Variants in THRB observed in about 807,000 individuals in gnomAD.
The protein encoded by THRB is thyroid hormone receptor beta.
In THRB, 12 loss-of-function variants were observed where a neutral mutation model predicts 47.8. The observed-to-expected ratio is 0.25, with a 90% CI of 0.16 to 0.41. The LOEUF (loss-of-function observed/expected upper bound fraction) is 0.41. THRB is among the 10% of genes least tolerant of loss of function. The probability of loss-of-function intolerance (pLI) is 1.00; values close to 1 mark genes in which losing one functional copy is unlikely to be tolerated. For missense variants in THRB, 348 were observed against 589.2 expected (o/e 0.59, Z 4.24); for synonymous variants, 218 against 212.2 (o/e 1.03, Z -0.24).
intron 1 of THRB, among the ~76,000 whole-genome samples, chr3:24,401,146 T>C (rs2067364883): frequency 6.6e-6 from 1 of 151,994 alleles, no homozygotes; most frequent in Non-Finnish European, 1.5e-5. Flanking sequence ...TAGACTTCAG[T>C]TTACACCTGG....
intron 8 of THRB, among the ~76,000 whole-genome samples, chr3:24,133,755 C>G (rs1198453643): frequency 1.3e-5 from 2 of 151,928 alleles, no homozygotes; most frequent in Admixed American, 6.6e-5. Context: ...GGTCCTGCTT[C>G]TGAATGCACA....
chr3:24,311,036 T>C (rs890503015), intron 2 of THRB, among the ~76,000 whole-genome samples: 2 of 152,168 alleles, frequency 1.3e-5, no homozygotes, highest in Non-Finnish European at 2.9e-5. Context: ...CATCTTTCTC[T>C]GTGTCTGTCT....
At position 24,429,306 on chromosome 3, in the gene THRB, T is replaced by C. The variant is rs147267547; in HGVS notation, c.-261+65346A>G. On this transcript the variant is annotated intron_variant, in intron 1 of 10. Transcript: ENST00000646209. ...TATATTAAATATATTCACCTTGATA[T>C]ATATATGTAATATAACATATATTAT... Among the ~76,000 whole-genome samples, 48 of 150,596 alleles carry C rather than the reference T, an allele frequency of 3.2e-4. No homozygotes were observed. The East Asian group carries it at 9.0e-3, about 28-fold the overall frequency.
At chr3:24,445,162 C>T (rs2071944532) in intron 1 of THRB, among the ~76,000 whole-genome samples, 1 of 151,900 alleles carries the variant, frequency 6.6e-6, no homozygotes, top group South Asian at 2.1e-4. Flanking sequence ...GAAAAGAGCA[C>T]TTATTTAATA....
chr3:24,311,485 A>G (rs1018433037), intron 2 of THRB, among the ~76,000 whole-genome samples: 3 of 152,144 alleles, frequency 2.0e-5, no homozygotes, highest in Non-Finnish European at 4.4e-5. Flanking sequence ...TGCTACAAAG[A>G]AAACCTGATC....
intron 2 of THRB, among the ~76,000 whole-genome samples, chr3:24,301,381 G>GTGCT (rs1490776181): frequency 6.6e-6 from 1 of 152,188 alleles, no homozygotes; most frequent in African/African-American, 2.4e-5. Flanking sequence ...TCATTTGAAT[G>GTGCT]TGCTTTTCTG....
intron 3 of THRB, among the ~76,000 whole-genome samples, chr3:24,288,562 A>AC (rs1335221113): frequency 2.6e-5 from 4 of 152,286 alleles, no homozygotes; most frequent in Non-Finnish European, 5.9e-5. Context: ...TGCTATTAAA[A>AC]AATTTTTCTG....
chr3:24,312,783 G>A (rs1162947004), intron 2 of THRB, among the ~76,000 whole-genome samples: 1 of 152,204 alleles, frequency 6.6e-6, no homozygotes, highest in Non-Finnish European at 1.5e-5. Flanking sequence ...CCATGTGGAA[G>A]AGCGAATATT....
intron 3 of THRB, among the ~76,000 whole-genome samples, chr3:24,251,154 AT>A (rs2050628772): frequency 6.6e-6 from 1 of 152,126 alleles, no homozygotes; most frequent in Non-Finnish European, 1.5e-5. Context: ...GTAAAGAATA[AT>A]TATGATCTAA....
chr3:24,330,300 C>A (rs1461205257), intron 2 of THRB, among the ~76,000 whole-genome samples: 1 of 151,376 alleles, frequency 6.6e-6, no homozygotes, highest in Non-Finnish European at 1.5e-5. Flanking sequence ...GGCGACAGAG[C>A]GAGACTCCGT....
At chr3:24,307,719 A>G (rs939201348) in intron 2 of THRB, among the ~76,000 whole-genome samples, 2 of 152,192 alleles carry the variant, frequency 1.3e-5, no homozygotes, top group African/African-American at 4.8e-5. Flanking sequence ...AATAGTTAGT[A>G]TACTATTGAT....
intron 3 of THRB, among the ~76,000 whole-genome samples, chr3:24,258,471 G>A (rs1049903063): frequency 2.0e-5 from 3 of 152,182 alleles, no homozygotes; most frequent in Admixed American, 1.3e-4. Flanking sequence ...CAGTTCTCAT[G>A]TGGCATTGAA....
At chr3:24,125,215 A>G (rs964449180) in intron 10 of THRB, among the ~76,000 whole-genome samples, 1 of 152,248 alleles carries the variant, frequency 6.6e-6, no homozygotes, top group Non-Finnish European at 1.5e-5. Flanking sequence ...GCATGGCAAA[A>G]GCCTTTGTTA....
chr3:24,270,433 A>G (rs576886176), intron 3 of THRB, among the ~76,000 whole-genome samples: 26 of 152,336 alleles, frequency 1.7e-4, no homozygotes, highest in Non-Finnish European at 3.1e-4. Context: ...TCAAAATAAC[A>G]AGAATGAAAA....
At chr3:24,133,198 G>T in intron 9 of THRB, 118 bp downstream of exon 9, 2 of 1,159,960 alleles carry the variant, frequency 1.7e-6, no homozygotes, top group Non-Finnish European at 2.5e-6. Context: ...TACTGACGTT[G>T]CTTTCATATG....
chr3:24,318,754 T>A (rs2058288897), intron 2 of THRB, among the ~76,000 whole-genome samples: 1 of 152,218 alleles, frequency 6.6e-6, no homozygotes, highest in Non-Finnish European at 1.5e-5. Context: ...ATGGTAGCAA[T>A]GTTGGGTCCT....
chr3:24,358,990 C>G (rs73825625), intron 1 of THRB, among the ~76,000 whole-genome samples: 2,019 of 152,228 alleles, frequency 0.013, 44 homozygotes, highest in African/African-American at 0.043. Flanking sequence ...ATGAATGTGA[C>G]TCTTATACTA....
intron 5 of THRB, among the ~76,000 whole-genome samples, chr3:24,175,540 A>G (rs531132387): frequency 1.1e-3 from 170 of 152,356 alleles, no homozygotes; most frequent in African/African-American, 3.9e-3. Context: ...AAGGCTGGAG[A>G]TTGAAAGAAA....
In THRB at chr3:24,155,721, T is replaced by C. The variant is rs575909410; in HGVS notation, c.284-3231A>G. 6.8e-4 allele frequency among the ~76,000 whole-genome samples: 103 copies of C among 152,206 alleles called. 1 individual carries two copies. Among genetic ancestry groups the C allele is most frequent in the Non-Finnish European group, 1.2e-3 (85 of 68,044 alleles). ...GGTCAGTATGCCAAACTAAGGAAAATGCACATGTATCATTAGTTTTGTTGC... is the reference window on the plus strand; with the variant it reads ...GGTCAGTATGCCAAACTAAGGAAAACGCACATGTATCATTAGTTTTGTTGC... On this transcript the variant is annotated intron_variant, in intron 5 of 10. Transcript: ENST00000646209.
Sources: gnomAD v4.1 joint callset for allele counts (sites outside exome capture counted in the v4.1 genomes callset) on GRCh38, gnomAD v4.1.1 for gene constraint, MANE v1.5 for transcripts, NCBI Gene and HGNC (gene_info 2026-07-23, HGNC 2026-07-21) for gene names.